NCK2: variants seen among roughly 807,000 people sequenced by gnomAD.
The protein encoded by NCK2 is NCK adaptor protein 2, also known as cytoplasmic protein NCK2.
Under a neutral mutation model 33.9 loss-of-function variants are expected in NCK2, and 16 were observed. The observed-to-expected ratio is 0.47, with a 90% CI of 0.32 to 0.72. The LOEUF is 0.72. Ranked by LOEUF, NCK2 falls within the 30% of genes least tolerant of loss-of-function variation. The pLI, the probability that NCK2 is intolerant of heterozygous loss-of-function variation, is 0.03. For synonymous variants in NCK2, 273 were observed against 239.9 expected, an observed-to-expected ratio of 1.14 and a Z score of -1.27; for missense variants, 418 against 537.3, an observed-to-expected ratio of 0.78 and a Z score of 2.19.
intron 2 of NCK2, among the ~76,000 whole-genome samples, chr2:105,821,846 T>C (rs1011394702): frequency 5.1e-5 from 7 of 137,616 alleles, no homozygotes; most frequent in Admixed American, 3.7e-4. Flanking sequence ...ACCTCTCCTG[T>C]GGCTTTGTGT....
At chr2:105,829,560 C>T (rs987156568) in intron 2 of NCK2, among the ~76,000 whole-genome samples, 3 of 152,132 alleles carry the variant, frequency 2.0e-5, no homozygotes, top group Admixed American at 6.6e-5. Context: ...CTCAGACTTT[C>T]CTTGTTTTGT....
At chr2:105,770,985 C>T (rs1474055817) in intron 1 of NCK2, among the ~76,000 whole-genome samples, 2 of 152,134 alleles carry the variant, frequency 1.3e-5, no homozygotes, top group East Asian at 2.0e-4. Flanking sequence ...TGCAGTGGTG[C>T]GATCTCAGCT....
At chr2:105,773,549 A>G (rs1054208983) in intron 1 of NCK2, among the ~76,000 whole-genome samples, 1 of 152,084 alleles carries the variant, frequency 6.6e-6, no homozygotes, top group East Asian at 1.9e-4. Context: ...TTCATACTTC[A>G]TGTCTTTCCT....
intron 1 of NCK2, among the ~76,000 whole-genome samples, chr2:105,803,768 C>T (rs572462602): frequency 6.6e-6 from 1 of 152,286 alleles, no homozygotes; most frequent in Non-Finnish European, 1.5e-5. Flanking sequence ...AGTAGTGATT[C>T]TGAATGGGGC....
intron 2 of NCK2, among the ~76,000 whole-genome samples, chr2:105,817,124 C>T (rs1462940571): frequency 1.4e-5 from 2 of 144,188 alleles, no homozygotes; most frequent in Admixed American, 1.4e-4. Flanking sequence ...TGCAGTGAGC[C>T]AAGGTCACAC....
At chr2:105,780,325 TACACAC>T (rs57857814) in intron 1 of NCK2, among the ~76,000 whole-genome samples, 4,269 of 147,436 alleles carry the variant, frequency 0.029, 113 homozygotes, top group African/African-American at 0.064. Flanking sequence ...GAGAGATATA[TACACAC>T]ACACACACAC....
intron 3 of NCK2, among the ~76,000 whole-genome samples, chr2:105,874,258 A>C (rs1678149752): frequency 1.3e-5 from 2 of 152,244 alleles, no homozygotes; most frequent in Admixed American, 6.5e-5. Context: ...AGTAGATGCA[A>C]ATTAAATGAA....
intron 1 of NCK2, among the ~76,000 whole-genome samples, chr2:105,794,820 C>T (rs1376927766): frequency 6.6e-6 from 1 of 152,094 alleles, no homozygotes; most frequent in African/African-American, 2.4e-5. Flanking sequence ...AAGCGATTCT[C>T]CTGCCTCAGC....
Position 105,879,893 on chromosome 2 carries a change from T to C in NCK2, c.227-1435T>C, listed in dbSNP as rs114335974. ...ATGGAAGTGCTTGGAGGAAGTCATT[T>C]TGAGGAGTCTACAAATGACTAAACC... On this transcript the variant is annotated intron_variant, in intron 3 of 4. Coordinates refer to ENST00000233154, the MANE Select transcript of NCK2 (RefSeq NM_003581.5). 6.7e-3 allele frequency among the ~76,000 whole-genome samples: 1,023 copies of C among 152,330 alleles called. 7 individuals carry two copies. Among genetic ancestry groups the C allele is most frequent in the African/African-American group, 0.023 (968 of 41,580 alleles).
At chr2:105,847,320 A>G (rs1406973958) in intron 2 of NCK2, 1 of 138,334 alleles carries the variant, frequency 7.2e-6, no homozygotes, top group African/African-American at 3.0e-5. Flanking sequence ...GGGTTGGGTG[A>G]AAAAAAAAAA....
chr2:105,759,114 T>C (rs1025318337), intron 1 of NCK2, among the ~76,000 whole-genome samples: 2 of 152,238 alleles, frequency 1.3e-5, no homozygotes, highest in African/African-American at 4.8e-5. Context: ...CTGAGTTTGA[T>C]AAAATTTTAA....
chr2:105,792,503 C>G (rs982595572), intron 1 of NCK2, among the ~76,000 whole-genome samples: 1 of 152,178 alleles, frequency 6.6e-6, no homozygotes, highest in Non-Finnish European at 1.5e-5. Context: ...AATTTTCCCA[C>G]CTGTCTCAAA....
chr2:105,797,026 G>T (rs1691103107), intron 1 of NCK2, among the ~76,000 whole-genome samples: 2 of 152,160 alleles, frequency 1.3e-5, no homozygotes, highest in African/African-American at 4.8e-5. Context: ...TGCAGAAATG[G>T]ATTTAGTCAT....
intron 1 of NCK2, among the ~76,000 whole-genome samples, chr2:105,747,861 C>T (rs901226308): frequency 3.3e-5 from 5 of 152,186 alleles, no homozygotes; most frequent in South Asian, 2.1e-4. Context: ...AAGGTCGTGA[C>T]GGCCTTTTAA....
At chr2:105,886,744 A>G (rs1678736039) in intron 4 of NCK2, among the ~76,000 whole-genome samples, 1 of 152,234 alleles carries the variant, frequency 6.6e-6, no homozygotes, top group Non-Finnish European at 1.5e-5. Context: ...GTGAGGTATT[A>G]CATGTGACTT....
intron 3 of NCK2, among the ~76,000 whole-genome samples, chr2:105,865,988 C>T (rs573738073): frequency 1.9e-4 from 29 of 152,124 alleles, no homozygotes; most frequent in Admixed American, 9.2e-4. Flanking sequence ...TATCTTGGCT[C>T]ACCGCAACCT....
rs968404414 is a variant in NCK2, at chr2:105,859,567, C to T, written c.226+4278C>T. 2.0e-5 allele frequency among the ~76,000 whole-genome samples: 3 copies of T among 152,232 alleles called. No individual in the cohort carries two copies. In the East Asian group the frequency reaches 5.8e-4, roughly 29 times the overall value. ...AGCACAGAGGCTACTGAGAGGGCTCCCTAATGCTAACTGTGAAACAGCCTT... is the reference window on the plus strand; with the variant it reads ...AGCACAGAGGCTACTGAGAGGGCTCTCTAATGCTAACTGTGAAACAGCCTT... On this transcript the variant is annotated intron_variant, in intron 3 of 4. Coordinates refer to ENST00000233154, the MANE Select transcript of NCK2 (RefSeq NM_003581.5).
intron 3 of NCK2, among the ~76,000 whole-genome samples, chr2:105,868,051 G>T (rs545565216): frequency 1.3e-5 from 2 of 152,248 alleles, no homozygotes; most frequent in South Asian, 2.1e-4. Flanking sequence ...CTGAGAGAGC[G>T]CTCGTTTACT....
chr2:105,819,463 C>A (rs758482766), intron 2 of NCK2, among the ~76,000 whole-genome samples: 2 of 152,090 alleles, frequency 1.3e-5, no homozygotes, highest in Non-Finnish European at 2.9e-5. Flanking sequence ...CTGATTGGAT[C>A]ATCAGAACTC....
Sources: gnomAD v4.1 joint callset for allele counts (sites outside exome capture counted in the v4.1 genomes callset) on GRCh38, gnomAD v4.1.1 for gene constraint, MANE v1.5 for transcripts, NCBI Gene and HGNC (gene_info 2026-07-23, HGNC 2026-07-21) for gene names.